The following RAB43 variants were observed in gnomAD, a reference collection of about 807,000 sequenced individuals.
RAB43 encodes the protein RAB43, member RAS oncogene family.
RAB43 carries 6 observed loss-of-function variants against 18.8 expected under a neutral mutation model. That is an observed-to-expected ratio of 0.32 (90% CI 0.17 to 0.63). RAB43 has a LOEUF of 0.63. Ranked by LOEUF, RAB43 falls within the 30% of genes least tolerant of loss-of-function variation. The pLI is 0.79. For missense variants in RAB43, 195 were observed against 289.1 expected (o/e 0.67, Z 2.36); for synonymous variants, 103 against 124.1 (o/e 0.83, Z 1.13).
intron 1 of RAB43, among the ~76,000 whole-genome samples, chr3:129,097,717 G>A (rs1214427668): frequency 6.6e-6 from 1 of 152,184 alleles, no homozygotes; most frequent in African/African-American, 2.4e-5. Context: ...GAGGGCTCCT[G>A]GAGCAGCTTC....
intron 1 of RAB43, among the ~76,000 whole-genome samples, chr3:129,120,943 T>A (rs1264042952): frequency 6.6e-6 from 1 of 152,060 alleles, no homozygotes; most frequent in Non-Finnish European, 1.5e-5. Flanking sequence ...TCCAAGGCGC[T>A]CCGCTAGTAC....
chr3:129,091,890 AC>A (rs1192724079), intron 2 of RAB43, among the ~76,000 whole-genome samples: 1 of 151,692 alleles, frequency 6.6e-6, no homozygotes, highest in East Asian at 1.9e-4. Flanking sequence ...ACATGATGAA[AC>A]CCCGTCTCTA....
At position 129,101,663 on chromosome 3, in the gene RAB43, G is replaced by C. The variant is rs1403542878; in HGVS notation, c.205-6494C>G. Among the ~76,000 whole-genome samples, 4 of 152,344 alleles carry C rather than the reference G, an allele frequency of 2.6e-5. No individual in the cohort carries two copies. In the East Asian group the frequency reaches 7.7e-4, roughly 29 times the overall value. Reference sequence around the variant, plus strand: ...AGGCAGGAGAATGCTTACCGTGTTAGAGACATGGAAAGGGCAGTGTGGCCA... The same window carrying C: ...AGGCAGGAGAATGCTTACCGTGTTACAGACATGGAAAGGGCAGTGTGGCCA... On this transcript the variant is annotated intron_variant, in intron 1 of 2. Transcript: ENST00000315150.
chr3:129,094,030 G>T (rs1933852820), intron 2 of RAB43, among the ~76,000 whole-genome samples: 1 of 152,206 alleles, frequency 6.6e-6, no homozygotes, highest in Non-Finnish European at 1.5e-5. Context: ...AGGTTATATA[G>T]AAGGAAAACA....
chr3:129,092,064 A>T (rs2107975622), intron 2 of RAB43, among the ~76,000 whole-genome samples: 1 of 151,774 alleles, frequency 6.6e-6, no homozygotes, highest in South Asian at 2.1e-4. Flanking sequence ...GTCATAAAAA[A>T]AAAAAAAAAA....
intron 1 of RAB43, among the ~76,000 whole-genome samples, chr3:129,098,772 T>C (rs772656523): frequency 1.3e-5 from 2 of 152,174 alleles, no homozygotes; most frequent in Non-Finnish European, 2.9e-5. Flanking sequence ...TTAAACTATT[T>C]ATTATTATTA....
chr3:129,111,916 G>A (rs532932833), intron 1 of RAB43, among the ~76,000 whole-genome samples: 11 of 151,886 alleles, frequency 7.2e-5, no homozygotes, highest in African/African-American at 1.9e-4. Context: ...TTTTGGTCAC[G>A]AAATCACCCA....
At position 129,120,428 on chromosome 3, in the gene RAB43, A is replaced by G. The variant is rs550390314; in HGVS notation, c.204+858T>C. Among the ~76,000 whole-genome samples, 12 of 152,292 alleles carry G rather than the reference A, an allele frequency of 7.9e-5. No individual in the cohort carries two copies. In the East Asian group the frequency reaches 2.3e-3, roughly 29 times the overall value. Reference sequence around the variant, plus strand: ...GGGGCTCGAAACCATGAAAGCAAGCAAAGATTTCTGTACAGTGCGGTTCAG... The same window carrying G: ...GGGGCTCGAAACCATGAAAGCAAGCGAAGATTTCTGTACAGTGCGGTTCAG... On this transcript the variant is annotated intron_variant, in intron 1 of 2. Transcript: ENST00000315150.
intron 1 of RAB43, among the ~76,000 whole-genome samples, chr3:129,105,221 G>A (rs538583597): frequency 6.6e-6 from 1 of 152,338 alleles, no homozygotes; most frequent in East Asian, 1.9e-4. Flanking sequence ...GGGAGGCTGA[G>A]GTGGGCAGAT....
chr3:129,113,184 G>A (rs1231555303), intron 1 of RAB43, among the ~76,000 whole-genome samples: 3 of 140,540 alleles, frequency 2.1e-5, no homozygotes, highest in African/African-American at 5.2e-5. Context: ...TTTTTTTTTC[G>A]AGATGGAGTC....
At chr3:129,094,499 A>G (rs1933886917) in intron 2 of RAB43, among the ~76,000 whole-genome samples, 1 of 136,084 alleles carries the variant, frequency 7.3e-6, no homozygotes, top group South Asian at 2.3e-4. Context: ...TTTTGAATAT[A>G]ACTTTCTTTT....
intron 1 of RAB43, among the ~76,000 whole-genome samples, chr3:129,113,173 T>TTA (rs1576844371): frequency 6.7e-6 from 1 of 150,204 alleles, no homozygotes; most frequent in East Asian, 1.9e-4. Flanking sequence ...TATTATTATT[T>TTA]TTTTTTTTTC....
rs780411121 is a variant in RAB43 at position 129,121,639 on chromosome 3, C to G, written c.-150G>C. 4 of 553,772 alleles carry G rather than the reference C, an allele frequency of 7.2e-6. No homozygotes were observed. Among genetic ancestry groups the G allele is most frequent in the South Asian group, 6.3e-5 (2 of 31,660 alleles). The allele number at this position is 553,772 out of a possible 1,614,324, so 34.3% of individuals were successfully genotyped here. A position where few individuals can be genotyped will look rare whatever the true frequency, so the allele number is the denominator to read the frequency against. ...CACCTGAACCCCCAGCACTGCCGAC[C>G]GCCTGCCTCGGCCTCGGCCCCGCCC... On this transcript the variant is annotated 5_prime_UTR_variant, in exon 1 of 3. Transcript: ENST00000315150.
At chr3:129,114,807 G>A (rs565896252) in intron 1 of RAB43, among the ~76,000 whole-genome samples, 2 of 152,288 alleles carry the variant, frequency 1.3e-5, no homozygotes, top group African/African-American at 4.8e-5. Flanking sequence ...CACAATCCCT[G>A]ATCAGTTTGG....
intron 1 of RAB43, among the ~76,000 whole-genome samples, chr3:129,102,418 C>G (rs1270726880): frequency 6.6e-6 from 1 of 152,046 alleles, no homozygotes; most frequent in Non-Finnish European, 1.5e-5. Flanking sequence ...ATCACGAGGT[C>G]AGGAGATCGA....
At chr3:129,098,379 A>G (rs944184376) in intron 1 of RAB43, among the ~76,000 whole-genome samples, 1 of 152,226 alleles carries the variant, frequency 6.6e-6, no homozygotes, top group Non-Finnish European at 1.5e-5. Context: ...GCCTAAACGA[A>G]TAACTTCAAG....
rs149610764 is a variant in RAB43, at chr3:129,092,683, G to A, written c.389-1337C>T. ...GTATAAAATGTTCTATAGGCCGGGC[G>A]CGGTGGCTCACGCCTGTAATCCCAG... On this transcript the variant is annotated intron_variant, in intron 2 of 2. Transcript: ENST00000315150. The A allele has an allele frequency of 1.0e-3, 474 of 459,900 alleles. 3 individuals carry two copies. In the East Asian group the frequency reaches 0.015, roughly 14 times the overall value. The allele number at this position is 459,900 out of a possible 1,614,324, so 28.5% of individuals were successfully genotyped here.
At chr3:129,111,942 C>A (rs1297877432) in intron 1 of RAB43, among the ~76,000 whole-genome samples, 1 of 152,144 alleles carries the variant, frequency 6.6e-6, no homozygotes, top group African/African-American at 2.4e-5. Flanking sequence ...TATGGACCTA[C>A]ACACAGTTAA....
intron 1 of RAB43, among the ~76,000 whole-genome samples, chr3:129,112,272 A>C (rs1329137165): frequency 6.6e-6 from 1 of 152,068 alleles, no homozygotes; most frequent in East Asian, 1.9e-4. Flanking sequence ...TAAAAAAAAA[A>C]AAAAAGTCAA....
Sources: gnomAD v4.1 joint callset for allele counts (sites outside exome capture counted in the v4.1 genomes callset) on GRCh38, gnomAD v4.1.1 for gene constraint, MANE v1.5 for transcripts, NCBI Gene and HGNC (gene_info 2026-07-23, HGNC 2026-07-21) for gene names.